Variants in SAP30BP observed in about 807,000 individuals in gnomAD.
SAP30BP encodes the protein SAP30-binding protein.
A neutral mutation model predicts 46.3 loss-of-function variants in SAP30BP; 31 were observed. The ratio of observed to expected loss-of-function variants is 0.67; its 90% CI spans 0.50 to 0.90. The LOEUF is 0.90. SAP30BP is among the 40% of genes least tolerant of loss of function. SAP30BP has a pLI of 0.00. For synonymous variants in SAP30BP, 169 were observed against 144.2 expected (o/e 1.17, Z -1.23); for missense variants, 312 against 391.0 (o/e 0.80, Z 1.70).
chr17:75,696,827 G>GAGT (rs2060328349), intron 4 of SAP30BP, among the ~76,000 whole-genome samples: 2 of 147,832 alleles, frequency 1.4e-5, no homozygotes, highest in Admixed American at 6.8e-5. Context: ...GGAGGGGCTG[G>GAGT]AGTGCAGTGG....
rs957069711 is a variant in SAP30BP at position 75,692,245 on chromosome 17, G to A, written c.265-1195G>A. ...GTCTAGGTTCAGTGTGGGGAACTGGGTGGCCTTCCTGGCACCTTCCTTTTG... is the reference window on the plus strand; with the variant it reads ...GTCTAGGTTCAGTGTGGGGAACTGGATGGCCTTCCTGGCACCTTCCTTTTG... On this transcript the variant is annotated intron_variant, in intron 3 of 10. Transcript: ENST00000584667. 3.0e-6 allele frequency: 3 copies of A among 985,532 alleles called. No homozygotes were observed. The African/African-American group carries it at 5.2e-5, about 17-fold the overall frequency. 61.0% of individuals were successfully genotyped at this position (985,532 alleles called of 1,614,324 possible).
intron 3 of SAP30BP, among the ~76,000 whole-genome samples, chr17:75,685,653 C>T (rs1032591771): frequency 1.3e-5 from 2 of 152,190 alleles, no homozygotes; most frequent in African/African-American, 4.8e-5. Context: ...GACTTGCATT[C>T]TCAACCTCAC....
At chr17:75,670,537 C>T (rs1052525587) in intron 2 of SAP30BP, among the ~76,000 whole-genome samples, 1 of 152,118 alleles carries the variant, frequency 6.6e-6, no homozygotes, top group Admixed American at 6.5e-5. Flanking sequence ...AGTACGTTTG[C>T]ATAATGTGTT....
chr17:75,703,673 G>A (rs1442432883), intron 7 of SAP30BP, 135 bp from the exon 8 acceptor site: 15 of 814,598 alleles, frequency 1.8e-5, no homozygotes, highest in Non-Finnish European at 3.1e-5. Context: ...GCCGCCCCTT[G>A]GCTAAAGACC....
chr17:75,667,920 C>T (rs1040413406), intron 1 of SAP30BP: 1 of 165,600 alleles, frequency 6.0e-6, no homozygotes, highest in Non-Finnish European at 1.3e-5. Flanking sequence ...ATCTGATGCC[C>T]AAAGTGAGAG....
intron 3 of SAP30BP, chr17:75,692,332 T>C (rs2060253802): frequency 2.0e-6 from 2 of 985,326 alleles, no homozygotes; most frequent in African/African-American, 3.5e-5. Context: ...GCACCTGTCC[T>C]CGAAAAGGTC....
chr17:75,675,944 A>G (rs1391908937), intron 3 of SAP30BP, among the ~76,000 whole-genome samples: 1 of 152,212 alleles, frequency 6.6e-6, no homozygotes, highest in Admixed American at 6.5e-5. Flanking sequence ...ACATATTAAC[A>G]TAAATAACAT....
chr17:75,684,520 C>T (rs2060129145), intron 3 of SAP30BP: 1 of 152,236 alleles, frequency 6.6e-6, no homozygotes, highest in African/African-American at 2.4e-5. Context: ...AGCCATCCAC[C>T]ACCCTTCTCT....
chr17:75,701,040 G>A lies in SAP30BP; in HGVS notation c.396+1169G>A, dbSNP rs968022672. Among the ~76,000 whole-genome samples the A allele has an allele frequency of 7.9e-5, 12 of 152,312 alleles. 1 individual carries two copies. Among genetic ancestry groups the A allele is most frequent in the Admixed American group, 7.8e-4 (12 of 15,310 alleles). On this transcript the variant is annotated intron_variant, in intron 5 of 10. Transcript: ENST00000584667. ...CCATGACCCTGGAGGAGACAGCTTGGAGGACAGAGGTTCTTCAGTCTCGGC... is the reference window on the plus strand; with the variant it reads ...CCATGACCCTGGAGGAGACAGCTTGAAGGACAGAGGTTCTTCAGTCTCGGC...
chr17:75,681,737 A>G (rs1183693904), intron 3 of SAP30BP, among the ~76,000 whole-genome samples: 1 of 152,160 alleles, frequency 6.6e-6, no homozygotes, highest in African/African-American at 2.4e-5. Context: ...GCAGAGCACA[A>G]GTGTTTCCCA....
At chr17:75,698,195 G>A (rs887309136) in intron 4 of SAP30BP, among the ~76,000 whole-genome samples, 1 of 152,210 alleles carries the variant, frequency 6.6e-6, no homozygotes, top group Non-Finnish European at 1.5e-5. Flanking sequence ...AAGGCCTGCC[G>A]GACAGTGGCA....
chr17:75,668,410 A>G, intron 1 of SAP30BP, 106 bp from the exon 2 acceptor site: 2 of 640,670 alleles, frequency 3.1e-6, no homozygotes, highest in Non-Finnish European at 5.2e-6. Flanking sequence ...TTGTATCTTC[A>G]GAGATAGTCT....
intron 4 of SAP30BP, among the ~76,000 whole-genome samples, chr17:75,699,461 G>T (rs940263420): frequency 6.6e-6 from 1 of 151,724 alleles, no homozygotes; most frequent in African/African-American, 2.4e-5. Context: ...CAAAATGTTG[G>T]GAGTATAGGC....
chr17:75,694,301 C>T (rs1470714946), intron 4 of SAP30BP, among the ~76,000 whole-genome samples: 5 of 152,184 alleles, frequency 3.3e-5, no homozygotes, highest in African/African-American at 1.2e-4. Context: ...AGGCTTCCTC[C>T]CAGTAGGGCC....
At chr17:75,680,169 TA>T in intron 3 of SAP30BP, among the ~76,000 whole-genome samples, 1 of 152,020 alleles carries the variant, frequency 6.6e-6, no homozygotes, top group East Asian at 1.9e-4. Context: ...GGAAAAGATC[TA>T]GATCTCACGC....
chr17:75,703,317 C>G lies in SAP30BP; in HGVS notation c.495C>G (p.Tyr165Ter). 1 of 1,614,056 alleles carries G rather than the reference C, an allele frequency of 6.2e-7. No individual in the cohort carries two copies. The change falls in exon 7 of 11, where the codon TAC (tyrosine) becomes TAG (stop). Residue 165 changes from tyrosine (Y) to a stop codon, truncating the protein, a stop_gained. Transcript: ENST00000584667. LOFTEE classifies it high-confidence loss of function. ...RKKEFRNPSI[Y>*]EKLIQFCAID... is the part of the protein sequence containing the mutation. ...GCCGGCACTGTTCTTTCAGCATCTA[C>G]GAGAAGCTGATCCAGTTCTGTGCCA...
rs538010655 is a variant in SAP30BP, at chr17:75,706,828, C to A, written c.*307C>A. 2.5e-6 allele frequency: 1 copy of A among 405,456 alleles called. No homozygotes were observed. Among genetic ancestry groups the A allele is most frequent in the African/African-American group, 2.0e-5 (1 of 50,066 alleles). The allele number at this position is 405,456 out of a possible 1,614,324, so 25.1% of individuals were successfully genotyped here. The stretch of plus-strand genomic sequence containing the variant: ...CAGGCAAATGCTTCAGCTCACATGT[C>A]CCCCAAGACTCAATAGTCTTGGTTG... On this transcript the variant is annotated 3_prime_UTR_variant, in exon 11 of 11. Coordinates refer to ENST00000584667, the MANE Select transcript of SAP30BP (RefSeq NM_013260.8). The surrounding 1 kb of genome is among the most constrained non-coding windows in gnomAD (Gnocchi z 4.6).
chr17:75,681,184 G>C (rs2060070840), intron 3 of SAP30BP, among the ~76,000 whole-genome samples: 1 of 152,224 alleles, frequency 6.6e-6, no homozygotes, highest in African/African-American at 2.4e-5. Context: ...GAGTAAGGCT[G>C]TGTTTCCTGT....
intron 3 of SAP30BP, among the ~76,000 whole-genome samples, chr17:75,674,690 G>GTTTT (rs1287087489): frequency 0.026 from 1,008 of 39,476 alleles, 67 homozygotes; most frequent in Admixed American, 0.043. Flanking sequence ...TTTTTTGTTT[G>GTTTT]TTTTTTGTTT....
Sources: allele counts gnomAD v4.1 joint callset (sites outside exome capture counted in the v4.1 genomes callset), GRCh38; gene constraint gnomAD v4.1.1; non-coding constraint Gnocchi (gnomAD v3.1); transcripts MANE v1.5; gene names NCBI Gene and HGNC (gene_info 2026-07-23, HGNC 2026-07-21).